CCDC66: variants seen among roughly 807,000 people sequenced by gnomAD.
The protein encoded by CCDC66 is coiled-coil domain-containing protein 66.
Under a neutral mutation model 128.3 loss-of-function variants are expected in CCDC66, and 133 were observed. The observed-to-expected ratio is 1.04, with a 90% CI of 0.90 to 1.20. The LOEUF (loss-of-function observed/expected upper bound fraction) is 1.20. Ranked by LOEUF, CCDC66 falls within the 50% of genes most tolerant of loss-of-function variation. The pLI, the probability that CCDC66 is intolerant of heterozygous loss-of-function variation, is 0.00. For missense variants in CCDC66, 1,126 were observed against 1,075.5 expected (o/e 1.05, Z -0.66); for synonymous variants, 387 against 357.0 (o/e 1.08, Z -0.95).
chr3:56,607,054 A>G (rs577982004), intron 10 of CCDC66, among the ~76,000 whole-genome samples: 1 of 152,046 alleles, frequency 6.6e-6, no homozygotes, highest in Non-Finnish European at 1.5e-5. Flanking sequence ...GCCTTATAGT[A>G]TAGTTTGAAA....
At chr3:56,567,880 C>T (rs533754590) in intron 6 of CCDC66, among the ~76,000 whole-genome samples, 117 of 151,922 alleles carry the variant, frequency 7.7e-4, no homozygotes, top group African/African-American at 2.6e-3. Context: ...TTAGTAGAGA[C>T]GGGGTTTCAC....
intron 14 of CCDC66, 189 bp downstream of exon 14, chr3:56,617,794 A>G: frequency 1.6e-6 from 1 of 638,458 alleles, no homozygotes; most frequent in Non-Finnish European, 2.6e-6. Context: ...TAGTCAACTC[A>G]TTCTTTTATG....
At chr3:56,568,763 G>T (rs562576999) in intron 6 of CCDC66, among the ~76,000 whole-genome samples, 1 of 152,284 alleles carries the variant, frequency 6.6e-6, no homozygotes, top group East Asian at 1.9e-4. Context: ...ATGTATTCTA[G>T]ACAGAAATAA....
intron 7 of CCDC66, among the ~76,000 whole-genome samples, chr3:56,586,966 G>A (rs1210975312): frequency 6.6e-6 from 1 of 151,796 alleles, no homozygotes; most frequent in Non-Finnish European, 1.5e-5. Context: ...TGAGGTGAAG[G>A]AATTACTTTA....
intron 7 of CCDC66, among the ~76,000 whole-genome samples, chr3:56,576,385 T>A (rs1476849330): frequency 6.6e-6 from 1 of 151,576 alleles, no homozygotes; most frequent in Non-Finnish European, 1.5e-5. Flanking sequence ...TAAAAAAAAT[T>A]TTATGCCATT....
rs1436916326 is a variant in CCDC66, at chr3:56,563,780, CTT to C, written c.202_203del (p.Leu68AlafsTer15). ...AGATACTTGTATTGGGAGTGAAAAACTTTTGCAAAAGAAGCCAGTTGGTTCAG... is the reference window on the plus strand; with the variant it reads ...AGATACTTGTATTGGGAGTGAAAAACTTGCAAAAGAAGCCAGTTGGTTCAG... ...TQDTCIGSEK[L>X]LQKKPVGSET... On this transcript the variant is annotated frameshift_variant, in exon 4 of 18. Transcript: ENST00000394672. LOFTEE classifies it high-confidence loss of function. The C allele has an allele frequency of 6.4e-7, 1 of 1,551,878 alleles. No individual in the cohort carries two copies. The highest frequency in any genetic ancestry group is 2.0e-5 in the Admixed American group (1 of 51,012).
chr3:56,602,217 T>C (rs2073293731), intron 10 of CCDC66, among the ~76,000 whole-genome samples: 1 of 152,082 alleles, frequency 6.6e-6, no homozygotes, highest in Non-Finnish European at 1.5e-5. Flanking sequence ...TGTGCAACTA[T>C]TGAGATAATC....
chr3:56,566,321 T>C (rs2065854626), intron 4 of CCDC66, among the ~76,000 whole-genome samples: 1 of 152,052 alleles, frequency 6.6e-6, no homozygotes, highest in Non-Finnish European at 1.5e-5. Flanking sequence ...GACGAGGTTT[T>C]GTCATGTTGC....
rs2068269437 is a variant in CCDC66, at chr3:56,581,026, C to T, written c.936+9724C>T. On this transcript the variant is annotated intron_variant, in intron 7 of 17. Transcript: ENST00000394672. ...GTGTTTTCCAACTTGGTTCCATTCT[C>T]CCCATCACTTTCAGGTACACGAGAT... 1.3e-5 allele frequency among the ~76,000 whole-genome samples: 2 copies of T among 151,862 alleles called. 1 individual carries two copies. The highest frequency in any genetic ancestry group is 1.3e-4 in the Admixed American group (2 of 15,118).
At chr3:56,613,120 A>C (rs533599519) in intron 10 of CCDC66, among the ~76,000 whole-genome samples, 1 of 152,256 alleles carries the variant, frequency 6.6e-6, no homozygotes, top group South Asian at 2.1e-4. Context: ...TGGGCTCTCA[A>C]AATAGTGCCA....
rs762182987 is a variant in CCDC66 at position 56,592,973 on chromosome 3, A to G, written c.940A>G (p.Thr314Ala). 11 of 1,606,762 alleles carry G rather than the reference A, an allele frequency of 6.8e-6. No individual in the cohort carries two copies. The highest frequency in any genetic ancestry group is 3.5e-5 in the Admixed American group (2 of 57,964). The change falls in exon 8 of 18, where the codon ACA becomes GCA. Residue 314 changes from threonine (T) to alanine (A), a missense_variant. Transcript: ENST00000394672. ...GGCTTTTATGGCTGTTGTTTAGGAAACAGTACTGCTGGAGCACCCTTTCAG... is the reference window on the plus strand; with the variant it reads ...GGCTTTTATGGCTGTTGTTTAGGAAGCAGTACTGCTGGAGCACCCTTTCAG... ...KHQILDQSRE[T>A]VLLEHPFSAV...
At chr3:56,575,078 G>A (rs1437785563) in intron 7 of CCDC66, among the ~76,000 whole-genome samples, 1 of 151,842 alleles carries the variant, frequency 6.6e-6, no homozygotes, top group East Asian at 2.0e-4. Context: ...TTGCAGGATT[G>A]TGTGGTAATT....
At chr3:56,596,160 C>G (rs1447290062) in intron 10 of CCDC66, among the ~76,000 whole-genome samples, 1 of 152,196 alleles carries the variant, frequency 6.6e-6, no homozygotes, top group East Asian at 1.9e-4. Context: ...CTCAAACAGT[C>G]CTCCAACCTC....
At chr3:56,603,261 GA>G (rs1437798569) in intron 10 of CCDC66, among the ~76,000 whole-genome samples, 1 of 151,722 alleles carries the variant, frequency 6.6e-6, no homozygotes, top group Non-Finnish European at 1.5e-5. Context: ...GATTTTTTTT[GA>G]AGGGTTTCGT....
At chr3:56,586,035 AAC>A (rs994908717) in intron 7 of CCDC66, among the ~76,000 whole-genome samples, 1 of 151,888 alleles carries the variant, frequency 6.6e-6, no homozygotes, top group Non-Finnish European at 1.5e-5. Flanking sequence ...TAAACACACA[AAC>A]ACACACAAAA....
Position 56,566,634 on chromosome 3 carries a change from A to C in CCDC66, c.585A>C (p.Pro195=). 6.3e-7 allele frequency: 1 copy of C among 1,596,248 alleles called. No individual in the cohort carries two copies. The highest frequency in any genetic ancestry group is 8.6e-7 in the Non-Finnish European group (1 of 1,164,024). Reference sequence around the variant, plus strand: ...ATTTAAACAGTATTTCTAATCAGCCAAAGGATGAGAACATTATGGGATTAT... The same window carrying C: ...ATTTAAACAGTATTTCTAATCAGCCCAAGGATGAGAACATTATGGGATTAT... ...SLYLNSISNQ[P]KDENIMGLFK... is the part of the protein sequence containing the mutation. The change falls in exon 5 of 18, where the codon CCA becomes CCC. Residue 195 remains proline, a synonymous_variant. Transcript: ENST00000394672.
intron 7 of CCDC66, among the ~76,000 whole-genome samples, chr3:56,582,216 G>A (rs922904740): frequency 2.0e-5 from 3 of 151,870 alleles, no homozygotes; most frequent in African/African-American, 7.2e-5. Flanking sequence ...TCCAAGCCAG[G>A]TGCAGGATAT....
intron 3 of CCDC66, chr3:56,560,992 G>A (rs2065021480): frequency 4.4e-6 from 2 of 451,918 alleles, no homozygotes; most frequent in African/African-American, 2.0e-5. Flanking sequence ...TGGAGTACCC[G>A]AAATATCACT....
At chr3:56,598,841 T>A (rs898121122) in intron 10 of CCDC66, among the ~76,000 whole-genome samples, 1 of 152,104 alleles carries the variant, frequency 6.6e-6, no homozygotes, top group Non-Finnish European at 1.5e-5. Context: ...AATTTTTGCA[T>A]CTATGTTCAT....
Sources: allele counts gnomAD v4.1 joint callset (sites outside exome capture counted in the v4.1 genomes callset), GRCh38; gene constraint gnomAD v4.1.1; transcripts MANE v1.5; gene names NCBI Gene and HGNC (gene_info 2026-07-23, HGNC 2026-07-21).